The following TTC31 variants were observed in gnomAD, a reference collection of about 807,000 sequenced individuals.
TTC31 encodes the protein tetratricopeptide repeat protein 31.
In TTC31, 59 loss-of-function variants were observed where a neutral mutation model predicts 60.4. That is an observed-to-expected ratio of 0.98 (90% CI 0.79 to 1.21). The LOEUF is 1.21. Among genes scored for constraint, TTC31 ranks in the 50% most tolerant of loss-of-function variants. TTC31 has a pLI of 0.00. For missense variants in TTC31, 672 were observed against 646.9 expected (o/e 1.04, Z -0.42); for synonymous variants, 225 against 249.6 (o/e 0.90, Z 0.93).
chr2:74,493,167 G>A lies in TTC31; in HGVS notation c.1509G>A (p.Lys503=). The A allele has an allele frequency of 6.2e-7, 1 of 1,614,160 alleles. No individual in the cohort carries two copies. Among genetic ancestry groups the A allele is most frequent in the Non-Finnish European group, 8.5e-7 (1 of 1,180,014 alleles). The change falls in exon 13 of 13, where the codon AAG becomes AAA. Residue 503 remains lysine, a synonymous_variant. Coordinates refer to ENST00000233623, the MANE Select transcript of TTC31 (RefSeq NM_022492.6). ...PHPLKPQDPS[K]GWDILGLGLQ... ...CTCTCAAGCCCCAGGACCCTTCAAA[G>A]GGCTGGGACATCCTGGGACTTGGGC...
intron 7 of TTC31, 45 bp from the exon 8 acceptor site, chr2:74,491,436 G>A: frequency 6.2e-7 from 1 of 1,613,616 alleles, no homozygotes; most frequent in Non-Finnish European, 8.5e-7. Context: ...CCTCCAGAAT[G>A]TACTTCATCC....
intron 11 of TTC31, 56 bp downstream of exon 11, chr2:74,492,501 G>C (rs1160349913): frequency 7.2e-6 from 11 of 1,528,326 alleles, no homozygotes; most frequent in Non-Finnish European, 8.8e-6. Flanking sequence ...AGTGGGGAGA[G>C]GGTCTATGTT....
chr2:74,487,649 G>A (rs1673287440), intron 2 of TTC31, among the ~76,000 whole-genome samples: 1 of 151,976 alleles, frequency 6.6e-6, no homozygotes, highest in Non-Finnish European at 1.5e-5. Flanking sequence ...ATGGGGCAGA[G>A]AGCATGCTTT....
chr2:74,485,584 C>T (rs1673010630), intron 2 of TTC31, among the ~76,000 whole-genome samples: 1 of 151,596 alleles, frequency 6.6e-6, no homozygotes, highest in African/African-American at 2.4e-5. Context: ...GATTCTCCTG[C>T]CTCAGCCTCC....
At position 74,491,643 on chromosome 2, in the gene TTC31, G is replaced by T; in HGVS notation, c.847G>T (p.Glu283Ter). The change falls in exon 8 of 13, where the codon GAG becomes TAG. Residue 283 changes from glutamate (E) to a stop codon, truncating the protein, a stop_gained. Coordinates refer to ENST00000233623, the MANE Select transcript of TTC31 (RefSeq NM_022492.6). LOFTEE classifies it high-confidence loss of function. Reference protein sequence around the residue: ...GQEEESPPREERPQQSPKVQA... With the variant: ...GQEEESPPRE ...AGAGGAAGAGAGCCCTCCAAGAGAG[G>T]AGAGGCCCCAGCAGAGTCCAAAGGT... 1 of 1,614,192 alleles carries T rather than the reference G, an allele frequency of 6.2e-7. No homozygotes were observed. Among genetic ancestry groups the T allele is most frequent in the Non-Finnish European group, 8.5e-7 (1 of 1,180,010 alleles).
rs1402344554 is a variant in TTC31 at position 74,490,467 on chromosome 2, A to C, written c.456A>C (p.Thr152=). The C allele has an allele frequency of 1.9e-6, 3 of 1,605,796 alleles. No homozygotes were observed. In the Admixed American group the frequency reaches 5.1e-5, roughly 27 times the overall value. ...QVAMPQKLLV[T]EEEANRLAEE... ...CCATGCCCCAGAAGCTCCTGGTGAC[A>C]GAAGAGGTGAGATTCTCAGGAGAGG... is the stretch of plus-strand genomic sequence containing the variant. Residue 152 remains threonine (T), a synonymous_variant, in exon 4 of 13, where the codon ACA becomes ACC. Coordinates refer to ENST00000233623, the MANE Select transcript of TTC31 (RefSeq NM_022492.6).
In TTC31 at chr2:74,492,915, T is replaced by C; in HGVS notation, c.1264-7T>C. Reference sequence around the variant, plus strand: ...AGGATCTGGTGCCCTTCTCTCTCCCTTCTCAGCAGGGTCAGCGAGGAGGAA... The same window carrying C: ...AGGATCTGGTGCCCTTCTCTCTCCCCTCTCAGCAGGGTCAGCGAGGAGGAA... On this transcript the variant is annotated splice_region_variant and splice_polypyrimidine_tract_variant and intron_variant, in intron 12 of 12. Coordinates refer to ENST00000233623, the MANE Select transcript of TTC31 (RefSeq NM_022492.6). 6.3e-7 allele frequency: 1 copy of C among 1,597,034 alleles called. No homozygotes were observed. Among genetic ancestry groups the C allele is most frequent in the Non-Finnish European group, 8.6e-7 (1 of 1,167,816 alleles).
intron 2 of TTC31, among the ~76,000 whole-genome samples, chr2:74,489,037 C>T (rs1381408938): frequency 2.6e-5 from 4 of 152,160 alleles, no homozygotes; most frequent in African/African-American, 9.7e-5. Context: ...GCCTGGGTGA[C>T]AGAGCAAGAA....
In TTC31 at chr2:74,492,885, A is replaced by G. The variant is rs372802904; in HGVS notation, c.1264-37A>G. 7.8e-5 allele frequency: 124 copies of G among 1,581,850 alleles called. 3 individuals are homozygous for G. The highest frequency in any genetic ancestry group is 7.0e-4 in the East Asian group (31 of 44,404). On this transcript the variant is annotated intron_variant, in intron 12 of 12. Transcript: ENST00000233623. ...TGAGAGGCATGGGCTCTCCTGCTTA[A>G]AAGAAGGATCTGGTGCCCTTCTCTC...
chr2:74,485,976 C>T (rs1253778665), intron 2 of TTC31, among the ~76,000 whole-genome samples: 2 of 151,846 alleles, frequency 1.3e-5, no homozygotes, highest in Non-Finnish European at 2.9e-5. Flanking sequence ...AAGATAAAGT[C>T]TACACTCACG....
chr2:74,483,344 C>T lies in TTC31; in HGVS notation c.63C>T (p.Cys21=), dbSNP rs1672667347. Residue 21 remains cysteine (C), a synonymous_variant, in exon 2 of 13, where the codon TGC becomes TGT. Coordinates refer to ENST00000233623, the MANE Select transcript of TTC31 (RefSeq NM_022492.6). ...IKLDCSLRPS[C]PLEVAAAPKL... The stretch of plus-strand genomic sequence containing the variant: ...TAGACTGCTCTCTACGGCCCAGCTG[C>T]CCACTGGAGGTCGCTGCTGCACCCA... The T allele has an allele frequency of 2.5e-6, 4 of 1,614,198 alleles. No homozygotes were observed. The highest frequency in any genetic ancestry group is 3.4e-6 in the Non-Finnish European group (4 of 1,180,034).
intron 2 of TTC31, among the ~76,000 whole-genome samples, chr2:74,489,656 C>T (rs1315837802): frequency 6.6e-6 from 1 of 152,124 alleles, no homozygotes; most frequent in Non-Finnish European, 1.5e-5. Flanking sequence ...TTATGTGGAG[C>T]TGTTCATACT....
intron 2 of TTC31, among the ~76,000 whole-genome samples, chr2:74,485,443 G>C (rs1225088440): frequency 1.3e-5 from 2 of 150,038 alleles, no homozygotes; most frequent in African/African-American, 4.9e-5. Flanking sequence ...TACATCCATA[G>C]CCTCATCTTC....
chr2:74,487,734 G>A (rs562149390), intron 2 of TTC31, among the ~76,000 whole-genome samples: 2 of 152,178 alleles, frequency 1.3e-5, no homozygotes, highest in East Asian at 3.9e-4. Context: ...AGGCTGGTGT[G>A]CAGTGGTGTG....
intron 8 of TTC31, 55 bp from the exon 9 acceptor site, chr2:74,491,949 G>T (rs1275442727): frequency 6.2e-7 from 1 of 1,613,100 alleles, no homozygotes; most frequent in East Asian, 2.2e-5. Flanking sequence ...CAAAGGAGAA[G>T]GATTTGGGGA....
rs192615291 is a variant in TTC31, at chr2:74,487,921, C to G, written c.130-2104C>G. Among the ~76,000 whole-genome samples the G allele has an allele frequency of 7.0e-4, 107 of 152,168 alleles. 2 individuals are homozygous for G. Among genetic ancestry groups the G allele is most frequent in the African/African-American group, 2.5e-3 (104 of 41,518 alleles). The stretch of plus-strand genomic sequence containing the variant: ...TCTAAAACTCTTGGCCTCAAGTGAC[C>G]CACCCGTCTTGGCCTCCCAAAGTGC... On this transcript the variant is annotated intron_variant, in intron 2 of 12. Coordinates refer to ENST00000233623, the MANE Select transcript of TTC31 (RefSeq NM_022492.6).
Position 74,491,394 on chromosome 2 carries a change from C to G in TTC31, c.684+19C>G, listed in dbSNP as rs574792196. 19 of 1,613,932 alleles carry G rather than the reference C, an allele frequency of 1.2e-5. No homozygotes were observed. Among genetic ancestry groups the G allele is most frequent in the Non-Finnish European group, 1.6e-5 (19 of 1,179,976 alleles). ...AGAAGAGGTGAGAGCCCCTTTTTTC[C>G]CTTCTTGGTCTCTGCTCATTTTCCT... On this transcript the variant is annotated intron_variant, in intron 7 of 12. Transcript: ENST00000233623.
chr2:74,486,533 G>A (rs1255277673), intron 2 of TTC31, among the ~76,000 whole-genome samples: 1 of 152,194 alleles, frequency 6.6e-6, no homozygotes, highest in Non-Finnish European at 1.5e-5. Flanking sequence ...AACATGAGAA[G>A]TACAAAGAAA....
chr2:74,491,561 G>A lies in TTC31; in HGVS notation c.765G>A (p.Glu255=). 6.2e-7 allele frequency: 1 copy of A among 1,614,192 alleles called. No homozygotes were observed. Residue 255 remains glutamate (E), a synonymous_variant, in exon 8 of 13, where the codon GAG becomes GAA. Coordinates refer to ENST00000233623, the MANE Select transcript of TTC31 (RefSeq NM_022492.6). The part of the protein sequence containing the change: ...VGDWPLSARR[E]KGLNQEPQGR... Reference sequence around the variant, plus strand: ...ATTGGCCCCTCAGTGCCCGCAGAGAGAAGGGACTGAACCAGGAGCCCCAAG... The same window carrying A: ...ATTGGCCCCTCAGTGCCCGCAGAGAAAAGGGACTGAACCAGGAGCCCCAAG...
Sources: gnomAD v4.1 joint callset for allele counts (sites outside exome capture counted in the v4.1 genomes callset) on GRCh38, gnomAD v4.1.1 for gene constraint, MANE v1.5 for transcripts, NCBI Gene and HGNC (gene_info 2026-07-23, HGNC 2026-07-21) for gene names.